Variants in ANKS1B observed in about 807,000 individuals in gnomAD.
ANKS1B encodes the protein ankyrin repeat and sterile alpha motif domain containing 1B.
Under a neutral mutation model 148.3 loss-of-function variants are expected in ANKS1B, and 36 were observed. The observed-to-expected ratio is 0.24, with a 90% CI of 0.19 to 0.32. The LOEUF is 0.32. ANKS1B is among the 10% of genes least tolerant of loss of function. The probability of loss-of-function intolerance (pLI) is 1.00; values close to 1 mark genes in which losing one functional copy is unlikely to be tolerated. For synonymous variants in ANKS1B, 542 were observed against 560.8 expected, an observed-to-expected ratio of 0.97 and a Z score of 0.47; for missense variants, 1,157 against 1,542.6, an observed-to-expected ratio of 0.75 and a Z score of 4.19.
chr12:99,338,829 C>T lies in ANKS1B; in HGVS notation c.1756+60802G>A, dbSNP rs960458599. On this transcript the variant is annotated intron_variant, in intron 12 of 26. Transcript: ENST00000683438. ...ATCTAGAAAGACAGGGAAGATAGTG[C>T]CTGGACTGGGAGCCTCAGGAGTTAG... Among the ~76,000 whole-genome samples the T allele has an allele frequency of 2.0e-5, 3 of 152,260 alleles. No individual in the cohort carries two copies. In the South Asian group the frequency reaches 6.2e-4, roughly 32 times the overall value.
intron 12 of ANKS1B, among the ~76,000 whole-genome samples, chr12:99,365,152 G>A (rs986352465): frequency 6.6e-6 from 1 of 152,186 alleles, no homozygotes; most frequent in Non-Finnish European, 1.5e-5. Flanking sequence ...GTGGCTGGGA[G>A]TACATTGGGT....
At chr12:99,820,656 G>A (rs2082394374) in intron 2 of ANKS1B, among the ~76,000 whole-genome samples, 1 of 151,922 alleles carries the variant, frequency 6.6e-6, no homozygotes, top group Non-Finnish European at 1.5e-5. Context: ...TTCTTCTCTG[G>A]CTCTGAGATA....
At chr12:99,192,607 C>T (rs1449453245) in intron 14 of ANKS1B, among the ~76,000 whole-genome samples, 3 of 152,014 alleles carry the variant, frequency 2.0e-5, no homozygotes, top group African/African-American at 7.2e-5. Flanking sequence ...CGAAGATTAA[C>T]CATTACACAA....
At chr12:99,086,137 T>C (rs2051705289) in intron 15 of ANKS1B, among the ~76,000 whole-genome samples, 1 of 152,208 alleles carries the variant, frequency 6.6e-6, no homozygotes, top group African/African-American at 2.4e-5. Flanking sequence ...GGAAAGGGAC[T>C]GTTCAAAGGC....
chr12:99,491,592 A>G (rs2096555938), intron 10 of ANKS1B, among the ~76,000 whole-genome samples: 1 of 151,988 alleles, frequency 6.6e-6, no homozygotes, highest in Non-Finnish European at 1.5e-5. Context: ...CCTGGTGTCC[A>G]TCATTTAGCA....
chr12:99,448,742 T>A (rs1224684559), intron 10 of ANKS1B, among the ~76,000 whole-genome samples: 1 of 152,064 alleles, frequency 6.6e-6, no homozygotes, highest in African/African-American at 2.4e-5. Context: ...ATGTGCTGGA[T>A]ATAGGGAGAG....
chr12:99,306,129 T>C (rs557023539), intron 12 of ANKS1B, among the ~76,000 whole-genome samples: 1 of 152,234 alleles, frequency 6.6e-6, no homozygotes, highest in Non-Finnish European at 1.5e-5. Flanking sequence ...GTCTTAGTGT[T>C]GTGCTTCAAT....
At chr12:99,671,459 G>C (rs1384582201) in intron 8 of ANKS1B, among the ~76,000 whole-genome samples, 1 of 152,028 alleles carries the variant, frequency 6.6e-6, no homozygotes, top group East Asian at 1.9e-4. Context: ...TTATTAAATA[G>C]CAATATTTTA....
At chr12:98,750,185 G>A (rs1266826786) in intron 26 of ANKS1B, among the ~76,000 whole-genome samples, 1 of 152,188 alleles carries the variant, frequency 6.6e-6, no homozygotes, top group Non-Finnish European at 1.5e-5. Flanking sequence ...AGTGTGTTGG[G>A]TTGGGTCAGT....
chr12:98,838,300 C>G (rs2099386782), intron 17 of ANKS1B, among the ~76,000 whole-genome samples: 1 of 152,088 alleles, frequency 6.6e-6, no homozygotes. Flanking sequence ...TAGAAAACAC[C>G]AAAGAAGACT....
chr12:99,577,263 CCTT>C (rs1247392086), intron 9 of ANKS1B, among the ~76,000 whole-genome samples: 1 of 150,356 alleles, frequency 6.7e-6, no homozygotes, highest in Non-Finnish European at 1.5e-5. Flanking sequence ...AAACATTTCT[CCTT>C]GTCATTAAAA....
chr12:99,411,982 C>A (rs762583404), intron 11 of ANKS1B, among the ~76,000 whole-genome samples: 2 of 152,176 alleles, frequency 1.3e-5, no homozygotes, highest in Admixed American at 1.3e-4. Context: ...TCTGGGGATA[C>A]ATCAATGAAC....
intron 12 of ANKS1B, among the ~76,000 whole-genome samples, chr12:99,274,407 T>C (rs549966093): frequency 1.3e-4 from 20 of 152,346 alleles, no homozygotes; most frequent in Non-Finnish European, 2.6e-4. Context: ...CCTGGAAATC[T>C]TAGATTGTCA....
intron 1 of ANKS1B, among the ~76,000 whole-genome samples, chr12:99,971,603 G>A (rs2095558928): frequency 6.8e-6 from 1 of 146,044 alleles, no homozygotes; most frequent in Non-Finnish European, 1.5e-5. Flanking sequence ...TAGTAATTCA[G>A]GCCAAAAAAA....
intron 9 of ANKS1B, among the ~76,000 whole-genome samples, chr12:99,630,521 T>C (rs1196155202): frequency 6.6e-6 from 1 of 152,232 alleles, no homozygotes; most frequent in Non-Finnish European, 1.5e-5. Flanking sequence ...TGCTGCTTCA[T>C]AACTGTGTCA....
intron 15 of ANKS1B, among the ~76,000 whole-genome samples, chr12:99,132,896 G>T (rs11109734): frequency 2.0e-5 from 3 of 151,920 alleles, no homozygotes; most frequent in Non-Finnish European, 4.4e-5. Context: ...ATGAGGTTGA[G>T]GAATGGTACT....
chr12:99,880,297 A>G (rs1291590824), intron 1 of ANKS1B, among the ~76,000 whole-genome samples: 2 of 152,230 alleles, frequency 1.3e-5, no homozygotes, highest in African/African-American at 4.8e-5. Context: ...TATAAAAGAT[A>G]AAACTGATAG....
intron 4 of ANKS1B, among the ~76,000 whole-genome samples, chr12:99,783,052 G>A (rs560733491): frequency 1.2e-4 from 18 of 152,130 alleles, no homozygotes; most frequent in South Asian, 4.2e-4. Flanking sequence ...TTAGCCAGGC[G>A]TGGTGGCATG....
chr12:99,545,406 G>A (rs1038173880), intron 9 of ANKS1B, among the ~76,000 whole-genome samples: 5 of 152,022 alleles, frequency 3.3e-5, no homozygotes, highest in South Asian at 2.1e-4. Context: ...ACTAAAAGGC[G>A]AAGCAAAACA....
Sources: allele counts gnomAD v4.1 joint callset (sites outside exome capture counted in the v4.1 genomes callset), GRCh38; gene constraint gnomAD v4.1.1; transcripts MANE v1.5; gene names NCBI Gene and HGNC (gene_info 2026-07-23, HGNC 2026-07-21).